EIF2D: variants seen among roughly 807,000 people sequenced by gnomAD.
EIF2D encodes eukaryotic translation initiation factor 2D.
Under a neutral mutation model 77.4 loss-of-function variants are expected in EIF2D, and 56 were observed. The ratio of observed to expected loss-of-function variants is 0.72; its 90% CI spans 0.58 to 0.90. The LOEUF (loss-of-function observed/expected upper bound fraction) is 0.90. EIF2D is among the 40% of genes least tolerant of loss of function. The pLI is 0.00. For synonymous variants in EIF2D, 230 were observed against 271.0 expected (o/e 0.85, Z 1.49); for missense variants, 574 against 706.5 (o/e 0.81, Z 2.13).
chr1:206,606,569 C>T (rs553473097), intron 4 of EIF2D, among the ~76,000 whole-genome samples: 11 of 152,170 alleles, frequency 7.2e-5, no homozygotes, highest in East Asian at 1.9e-4. Flanking sequence ...GGGAGAAAAA[C>T]GGTAACACCA....
intron 2 of EIF2D, 96 bp downstream of exon 2, chr1:206,611,088 G>C: frequency 8.2e-7 from 1 of 1,222,386 alleles, no homozygotes; most frequent in Non-Finnish European, 1.1e-6. Context: ...TTTCGTGCTT[G>C]CTTATTTTAT....
intron 2 of EIF2D, chr1:206,585,094 C>T (rs1553407318): frequency 1.2e-5 from 11 of 942,662 alleles, no homozygotes; most frequent in Non-Finnish European, 5.0e-6. Context: ...CGTACCCCAC[C>T]TCTGCATTTC....
rs1469323951 is a variant in EIF2D, at chr1:206,593,665, C to T, written c.1638G>A (p.Val546=). Residue 546 remains valine, a synonymous_variant, in exon 14 of 15, where the codon GTG becomes GTA. Transcript: ENST00000271764. ...PAPGAKDSLQ[V]QIQGNQVHHL... ...GGTGGACCTGGTTTCCCTGGATCTG[C>T]ACCTGAAGGCTGTCCTTGGCCCCAG... 6 of 1,613,670 alleles carry T rather than the reference C, an allele frequency of 3.7e-6. No homozygotes were observed. The highest frequency in any genetic ancestry group is 2.2e-5 in the East Asian group (1 of 44,884).
At chr1:206,577,380 G>A (rs1668693711) in intron 4 of EIF2D, among the ~76,000 whole-genome samples, 1 of 152,182 alleles carries the variant, frequency 6.6e-6, no homozygotes, top group South Asian at 2.1e-4. Context: ...TGGGATGATA[G>A]TCACCATACA....
At chr1:206,586,709 G>T, downstream of EIF2D, 1 of 791,464 alleles carries the variant, frequency 1.3e-6, no homozygotes. Flanking sequence ...AGCAAACTGT[G>T]TGTGAATCAC....
intron 2 of EIF2D, among the ~76,000 whole-genome samples, chr1:206,581,926 G>A (rs961908787): frequency 2.0e-5 from 3 of 152,112 alleles, no homozygotes; most frequent in African/African-American, 4.8e-5. Flanking sequence ...GTGACGTCGC[G>A]GCAGCTGTGA....
rs571382552 is a variant in EIF2D, at chr1:206,608,290, C to G, written c.368G>C (p.Gly123Ala). 1 of 1,613,602 alleles carries G rather than the reference C, an allele frequency of 6.2e-7. No individual in the cohort carries two copies. The highest frequency in any genetic ancestry group is 1.7e-5 in the Admixed American group (1 of 59,968). The stretch of plus-strand genomic sequence containing the variant: ...GTCGCCCTTCTGTACCTGAGGCAGA[C>G]CAGCAGGGGGCATCACCAGTCCAGG... ...MLPGLVMPPA[G>A]LPQVQKGDLC... The change falls in exon 4 of 15, where the codon GGT (glycine) becomes GCT (alanine). Residue 123 changes from glycine (G) to alanine (A), a missense_variant. By Grantham distance (60) the Gly-to-Ala change is moderately conservative. Coordinates refer to ENST00000271764, the MANE Select transcript of EIF2D (RefSeq NM_006893.3).
chr1:206,609,070 A>G (rs1670343283), intron 3 of EIF2D, among the ~76,000 whole-genome samples: 1 of 152,130 alleles, frequency 6.6e-6, no homozygotes, highest in Non-Finnish European at 1.5e-5. Flanking sequence ...AAAAATAAAA[A>G]AAGTTTGAGT....
At chr1:206,588,037 C>G (rs1043915305), downstream of EIF2D, 2 of 152,790 alleles carry the variant, frequency 1.3e-5, no homozygotes, top group Non-Finnish European at 2.9e-5. Flanking sequence ...TCCAATTCGG[C>G]CAACTTGGAG....
At chr1:206,595,936 C>G (rs1669625474) in intron 12 of EIF2D, 98 bp from the exon 13 acceptor site, 1 of 1,520,804 alleles carries the variant, frequency 6.6e-7, no homozygotes, top group African/African-American at 1.4e-5. Flanking sequence ...GCTGAAATTG[C>G]AGGTCCACAA....
intron 4 of EIF2D, chr1:206,572,739 A>G (rs1403773558): frequency 1.1e-4 from 17 of 152,268 alleles, no homozygotes; most frequent in African/African-American, 3.9e-4. Context: ...TTTAGGTTGA[A>G]GAAAGTGTTT....
chr1:206,583,013 G>A (rs571726323), intron 2 of EIF2D: 139 of 424,226 alleles, frequency 3.3e-4, no homozygotes, highest in South Asian at 2.9e-3. Flanking sequence ...TGTGCAGTAG[G>A]TATTGTTCCC....
At chr1:206,596,003 G>A (rs971103357) in intron 12 of EIF2D, among the ~76,000 whole-genome samples, 165 bp from the exon 13 acceptor site, 1 of 152,166 alleles carries the variant, frequency 6.6e-6, no homozygotes, top group Admixed American at 6.5e-5. Context: ...CCAGATCAAT[G>A]AAATCTGTAT....
At chr1:206,573,513 ATCC>A (rs1444439149) in intron 4 of EIF2D, among the ~76,000 whole-genome samples, 1 of 152,256 alleles carries the variant, frequency 6.6e-6, no homozygotes, top group African/African-American at 2.4e-5. Context: ...ATAAATGGAA[ATCC>A]AAGGCTCACT....
At chr1:206,582,928 C>A (rs1017405892) in intron 2 of EIF2D, among the ~76,000 whole-genome samples, 1 of 152,162 alleles carries the variant, frequency 6.6e-6, no homozygotes, top group Non-Finnish European at 1.5e-5. Flanking sequence ...TAAGCAAATG[C>A]GGCTCTGCTC....
At chr1:206,586,758 A>AGGTCGTGTCAACTT (rs1419336660), downstream of EIF2D, 1 of 1,229,134 alleles carries the variant, frequency 8.1e-7, no homozygotes, top group Non-Finnish European at 1.2e-6. Flanking sequence ...AGGGTCTCTC[A>AGGTCGTGTCAACTT]GGTCGTGTCA....
At position 206,599,968 on chromosome 1, in the gene EIF2D, G is replaced by C; in HGVS notation, c.949-132C>G. On this transcript the variant is annotated intron_variant, in intron 8 of 14. Transcript: ENST00000271764. This position sits in a 1 kb window ranked among gnomAD's most constrained non-coding sequence, Gnocchi z 4.1. ...GACAGCCCCTGCCTTCATCAACCAG[G>C]AACTGGGAGGCCCCCAACCTGAGGG... 1 of 889,056 alleles carries C rather than the reference G, an allele frequency of 1.1e-6. No individual in the cohort carries two copies. The allele number at this position is 889,056 out of a possible 1,614,324, so 55.1% of individuals were successfully genotyped here.
intron 4 of EIF2D, among the ~76,000 whole-genome samples, chr1:206,607,093 C>CCAT (rs1670236044): frequency 6.6e-6 from 1 of 152,144 alleles, no homozygotes; most frequent in Admixed American, 6.5e-5. Context: ...AGGGCCTCTT[C>CCAT]CATCACCACA....
intron 2 of EIF2D, chr1:206,585,326 C>A: frequency 6.5e-7 from 1 of 1,545,274 alleles, no homozygotes; most frequent in Non-Finnish European, 8.9e-7. Flanking sequence ...CAAACCCAGG[C>A]CTTAGGGCAC....
Sources: allele counts gnomAD v4.1 joint callset (sites outside exome capture counted in the v4.1 genomes callset), GRCh38; gene constraint gnomAD v4.1.1; non-coding constraint Gnocchi (gnomAD v3.1); transcripts MANE v1.5; gene names NCBI Gene and HGNC (gene_info 2026-07-23, HGNC 2026-07-21).